VNN2: variants seen among roughly 807,000 people sequenced by gnomAD.
VNN2 encodes the protein vanin 2.
In VNN2, 43 loss-of-function variants were observed where a neutral mutation model predicts 43.0. The ratio of observed to expected loss-of-function variants is 1.00; its 90% CI spans 0.78 to 1.29. The LOEUF is 1.29. VNN2 is among the 50% of genes most tolerant of loss of function. The pLI, the probability that VNN2 is intolerant of heterozygous loss-of-function variation, is 0.00. For missense variants in VNN2, 652 were observed against 619.7 expected (o/e 1.05, Z -0.55); for synonymous variants, 230 against 224.3 (o/e 1.03, Z -0.23).
Position 132,755,828 on chromosome 6 carries a change from G to C in VNN2, c.537+15C>G. ...ACAACACGCTCCATTTTACACGTCC[G>C]TCACTCTCTCTTACCTTATGGTAAC... is the stretch of plus-strand genomic sequence containing the variant. On this transcript the variant is annotated intron_variant, in intron 3 of 6. Coordinates refer to ENST00000326499, the MANE Select transcript of VNN2 (RefSeq NM_004665.6). 1 of 1,594,792 alleles carries C rather than the reference G, an allele frequency of 6.3e-7. No individual in the cohort carries two copies. The highest frequency in any genetic ancestry group is 8.6e-7 in the Non-Finnish European group (1 of 1,169,114).
chr6:132,752,237 T>C (rs1780152486), intron 4 of VNN2, among the ~76,000 whole-genome samples: 1 of 152,198 alleles, frequency 6.6e-6, no homozygotes, highest in Admixed American at 6.5e-5. Flanking sequence ...GATGACACTA[T>C]CTATCTCATA....
At chr6:132,756,547 C>T (rs1264901613) in intron 2 of VNN2, among the ~76,000 whole-genome samples, 1 of 151,332 alleles carries the variant, frequency 6.6e-6, no homozygotes, top group East Asian at 1.9e-4. Context: ...TACCTGATCT[C>T]ATCTTAACTT....
At chr6:132,761,414 C>A (rs1780735691), upstream of VNN2, among the ~76,000 whole-genome samples, 1 of 150,636 alleles carries the variant, frequency 6.6e-6, no homozygotes, top group Admixed American at 6.6e-5. Context: ...AATCCCTGCA[C>A]TTTGGGAGGC....
Position 132,744,404 on chromosome 6 carries a change from C to T in VNN2, c.1459G>A (p.Asp487Asn). 1.2e-6 allele frequency: 2 copies of T among 1,613,538 alleles called. No individual in the cohort carries two copies. The highest frequency in any genetic ancestry group is 1.7e-6 in the Non-Finnish European group (2 of 1,179,788). The change falls in exon 7 of 7, where the codon GAC becomes AAC. Residue 487 changes from aspartate (D) to asparagine (N), a missense_variant. By Grantham distance (23) the Asp-to-Asn change is conservative. Transcript: ENST00000326499. ...GTCCCACATGAGCTGTAAAGTGAGT[C>T]CTTTGTGTACCACCTCCCAAAGAGT... ...VSLFGRWYTK[D>N]SLYSSCGTSN...
intron 4 of VNN2, 110 bp from the exon 5 acceptor site, chr6:132,751,628 G>T: frequency 2.3e-6 from 3 of 1,280,080 alleles, no homozygotes; most frequent in Non-Finnish European, 3.2e-6. Context: ...TATTAGTCAC[G>T]ATGAGAGAGG....
chr6:132,751,167 C>T lies in VNN2; in HGVS notation c.1178G>A (p.Arg393Gln), dbSNP rs34856068. 2,137 of 1,604,370 alleles carry T rather than the reference C, an allele frequency of 1.3e-3. 18 individuals carry two copies. The African/African-American group carries it at 0.021, about 16-fold the overall frequency. ...TACCTGCCAGTACTCTCTTCTCCTT[C>T]GGCCATGTAATCCTGTAAAAGCTCC... is the stretch of plus-strand genomic sequence containing the variant. ...VLGAFTGLHG[R>Q]RRREYWQVCT... Residue 393 changes from arginine to glutamine, a missense_variant, in exon 5 of 7, where the codon CGA becomes CAA. Arg to Gln is a conservative substitution (Grantham distance 43). Coordinates refer to ENST00000326499, the MANE Select transcript of VNN2 (RefSeq NM_004665.6).
chr6:132,757,404 T>C lies in VNN2; in HGVS notation c.344+12A>G, dbSNP rs546738323. The C allele has an allele frequency of 6.3e-7, 1 of 1,586,064 alleles. No homozygotes were observed. The highest frequency in any genetic ancestry group is 1.9e-5 in the Admixed American group (1 of 51,970). On this transcript the variant is annotated intron_variant, in intron 2 of 6. Coordinates refer to ENST00000326499, the MANE Select transcript of VNN2 (RefSeq NM_004665.6). The stretch of plus-strand genomic sequence containing the variant: ...GTTACTTTTGCACAAAAGACTAAGA[T>C]AGTTAAAATACCTGTGGGGGTCTTG...
chr6:132,752,823 T>G, intron 3 of VNN2, 74 bp from the exon 4 acceptor site: 1 of 1,507,088 alleles, frequency 6.6e-7, no homozygotes, highest in Non-Finnish European at 8.9e-7. Flanking sequence ...ACCCTCTAAG[T>G]TGGTAACAGA....
chr6:132,746,267 G>A (rs961060459), intron 6 of VNN2, among the ~76,000 whole-genome samples: 3 of 152,214 alleles, frequency 2.0e-5, no homozygotes, highest in African/African-American at 7.2e-5. Context: ...TAAAACTAAA[G>A]TGGTGGTGGG....
upstream of VNN2, among the ~76,000 whole-genome samples, chr6:132,762,282 T>G (rs1780756880): frequency 6.6e-6 from 1 of 152,134 alleles, no homozygotes; most frequent in South Asian, 2.1e-4. Flanking sequence ...TTCTCCTGAA[T>G]GCAAAATGAC....
In VNN2 at chr6:132,757,419, T is replaced by G; in HGVS notation, c.341A>C (p.His114Pro). ...AAGACTAAGATAGTTAAAATACCTG[T>G]GGGGGTCTTGACACGGAATCCAGTT... ...QVNWIPCQDP[H>P]RFGHTPVQAR... Residue 114 changes from histidine (H) to proline (P), a missense_variant, in exon 2 of 7, where the codon CAC becomes CCC. Transcript: ENST00000326499. The G allele has an allele frequency of 6.2e-7, 1 of 1,602,468 alleles. No homozygotes were observed. Among genetic ancestry groups the G allele is most frequent in the South Asian group, 1.1e-5 (1 of 88,770 alleles).
In VNN2 at chr6:132,752,594, G is replaced by A. The variant is rs749055674; in HGVS notation, c.693C>T (p.Thr231=). 1.2e-6 allele frequency: 2 copies of A among 1,614,136 alleles called. No homozygotes were observed. Among genetic ancestry groups the A allele is most frequent in the Non-Finnish European group, 1.7e-6 (2 of 1,180,024 alleles). Residue 231 remains threonine, a synonymous_variant, in exon 4 of 7, where the codon ACC becomes ACT. Transcript: ENST00000326499. ...VTLVKDFHVD[T]ILFPTAWMNV... is the part of the protein sequence containing the mutation. ...TCATCCAAGCTGTGGGAAACAGTAT[G>A]GTGTCCACATGGAAATCTTTCACCA...
At chr6:132,761,009 G>T (rs1486878573), upstream of VNN2, among the ~76,000 whole-genome samples, 2 of 152,148 alleles carry the variant, frequency 1.3e-5, no homozygotes, top group South Asian at 2.1e-4. Flanking sequence ...GTTAGTAAAT[G>T]AAGGAGCAAT....
upstream of VNN2, chr6:132,758,041 T>TCTTC (rs1554219567): frequency 4.1e-4 from 102 of 247,582 alleles, 1 homozygote; most frequent in African/African-American, 1.2e-3. Context: ...TTCTTCTTCT[T>TCTTC]TTTTTTTTTT....
At chr6:132,758,750 A>G (rs920070353), upstream of VNN2, among the ~76,000 whole-genome samples, 6 of 152,146 alleles carry the variant, frequency 3.9e-5, no homozygotes, top group African/African-American at 1.4e-4. Context: ...TGACTTACTT[A>G]TTGCTATTAA....
upstream of VNN2, among the ~76,000 whole-genome samples, chr6:132,760,980 T>C (rs1418876795): frequency 2.0e-5 from 3 of 152,076 alleles, no homozygotes; most frequent in African/African-American, 7.2e-5. Context: ...ACAAAGGTAA[T>C]TGCAAAAAAG....
chr6:132,744,588 C>T, intron 6 of VNN2, 97 bp from the exon 7 acceptor site: 4 of 1,213,284 alleles, frequency 3.3e-6, no homozygotes, highest in Non-Finnish European at 4.4e-6. Flanking sequence ...AATGTATAGT[C>T]AAATCATTTC....
chr6:132,745,084 A>G (rs575062183), intron 6 of VNN2, among the ~76,000 whole-genome samples: 1 of 152,320 alleles, frequency 6.6e-6, no homozygotes, highest in South Asian at 2.1e-4. Context: ...GTGACAGATC[A>G]AGGCAATGTG....
Position 132,757,806 on chromosome 6 carries a change from A to T in VNN2, c.78T>A (p.Phe26Leu), listed in dbSNP as rs1780576857. 1 of 1,614,054 alleles carries T rather than the reference A, an allele frequency of 6.2e-7. No individual in the cohort carries two copies. The highest frequency in any genetic ancestry group is 1.3e-5 in the African/African-American group (1 of 74,920). ...ITLQVGTQDS[F>L]IAAVYEHAVI... Reference sequence around the variant, plus strand: ...CAGCATGTTCATACACTGCAGCTATAAAACTGTCCTGAGTACCAACCTGCA... The same window carrying T: ...CAGCATGTTCATACACTGCAGCTATTAAACTGTCCTGAGTACCAACCTGCA... The change falls in exon 1 of 7, where the codon TTT (phenylalanine) becomes TTA (leucine). Residue 26 changes from phenylalanine to leucine, a missense_variant. By Grantham distance (22) the Phe-to-Leu change is conservative. Transcript: ENST00000326499.
Sources: allele counts gnomAD v4.1 joint callset (sites outside exome capture counted in the v4.1 genomes callset), GRCh38; gene constraint gnomAD v4.1.1; transcripts MANE v1.5; gene names NCBI Gene and HGNC (gene_info 2026-07-23, HGNC 2026-07-21).